Variants in FAM98A observed in about 807,000 individuals in gnomAD.
FAM98A encodes the protein protein FAM98A.
A neutral mutation model predicts 62.9 loss-of-function variants in FAM98A; 25 were observed. That is an observed-to-expected ratio of 0.40 (90% confidence interval 0.29 to 0.56). The LOEUF is 0.56. Ranked by LOEUF, FAM98A falls within the 20% of genes least tolerant of loss-of-function variation. FAM98A has a pLI of 0.51. For synonymous variants in FAM98A, 252 were observed against 228.6 expected (o/e 1.10, Z -0.92); for missense variants, 653 against 640.7 (o/e 1.02, Z -0.21).
chr2:33,586,967 T>C (rs1021284583), intron 5 of FAM98A: 5 of 519,110 alleles, frequency 9.6e-6, no homozygotes, highest in Admixed American at 3.4e-5. Context: ...GGCAATCCAT[T>C]TGGCAACGAG....
intron 1 of FAM98A, among the ~76,000 whole-genome samples, 197 bp from the exon 2 acceptor site, chr2:33,595,834 C>G (rs552786240): frequency 3.7e-4 from 56 of 152,228 alleles, no homozygotes; most frequent in African/African-American, 1.3e-3. Flanking sequence ...TAAATGGTAG[C>G]TGCATTTCAA....
intron 5 of FAM98A, 73 bp from the exon 6 acceptor site, chr2:33,586,751 C>T (rs866150970): frequency 2.3e-5 from 21 of 904,838 alleles, no homozygotes; most frequent in South Asian, 9.3e-5. Context: ...GCAAAAACTA[C>T]GTCTGTGTCA....
In FAM98A at chr2:33,598,903, CAATG is replaced by C. The variant is rs1677885280; in HGVS notation, c.53+262_53+265del. Among the ~76,000 whole-genome samples the C allele has an allele frequency of 1.3e-5, 2 of 152,108 alleles. 1 individual carries two copies. The highest frequency in any genetic ancestry group is 4.1e-4 in the South Asian group (2 of 4,826). On this transcript the variant is annotated intron_variant, in intron 1 of 7. Coordinates refer to ENST00000238823, the MANE Select transcript of FAM98A (RefSeq NM_015475.5). ...GGGGTGGCGAAAATCAGAGCCCAGA[CAATG>C]ACACGCATGACTGACAAACGCTGCG...
At chr2:33,588,616 G>A (rs1677609184) in intron 3 of FAM98A, 97 bp from the exon 4 acceptor site, 4 of 816,482 alleles carry the variant, frequency 4.9e-6, no homozygotes, top group Non-Finnish European at 7.1e-6. Flanking sequence ...ATATGTAACT[G>A]TTAAAGCTGC....
intron 4 of FAM98A, chr2:33,587,679 C>A (rs375380928): frequency 4.4e-6 from 1 of 227,624 alleles, no homozygotes; most frequent in East Asian, 9.3e-5. Context: ...CCCCACAATG[C>A]AAATGTACCA....
Position 33,588,522 on chromosome 2 carries a change from G to A in FAM98A, c.338-3C>T. The stretch of plus-strand genomic sequence containing the variant: ...TTCTAGTTCTGAGATGAGGTATGCT[G>A]AAGTAAACAAAATAAGATTTCAAAA... On this transcript the variant is annotated splice_polypyrimidine_tract_variant and splice_region_variant and intron_variant, in intron 3 of 7. Transcript: ENST00000238823. 6.2e-7 allele frequency: 1 copy of A among 1,610,982 alleles called. No individual in the cohort carries two copies. Among genetic ancestry groups the A allele is most frequent in the Non-Finnish European group, 8.5e-7 (1 of 1,178,698 alleles).
At position 33,588,408 on chromosome 2, in the gene FAM98A, C is replaced by T. The variant is rs2151144151; in HGVS notation, c.449G>A (p.Cys150Tyr). The T allele has an allele frequency of 6.2e-7, 1 of 1,613,716 alleles. No homozygotes were observed. The highest frequency in any genetic ancestry group is 8.5e-7 in the Non-Finnish European group (1 of 1,179,740). The change falls in exon 4 of 8, where the codon TGT becomes TAT. Residue 150 changes from cysteine (C) to tyrosine (Y), a missense_variant. Cys to Tyr is a radical substitution (Grantham distance 194). Transcript: ENST00000238823. The part of the protein sequence containing the change: ...SEVFQELKGI[C>Y]IALGMSKPPA... ...AGGTTTGGACATTCCTAGAGCAATA[C>T]ATATGCCTTTCAACTCTTGAAAGAC...
rs1449555538 is a variant in FAM98A, at chr2:33,586,469, A to C, written c.720+93T>G. 1.3e-5 allele frequency: 10 copies of C among 789,866 alleles called. No individual in the cohort carries two copies. The East Asian group carries it at 2.4e-4, about 19-fold the overall frequency. 48.9% of individuals were successfully genotyped at this position (789,866 alleles called of 1,614,324 possible). Reference sequence around the variant, plus strand: ...AAATCCCTATGTGTGTCTTCTATGTACTTCTCCCATAGTTGCCAAGTAGCT... The same window carrying C: ...AAATCCCTATGTGTGTCTTCTATGTCCTTCTCCCATAGTTGCCAAGTAGCT... On this transcript the variant is annotated intron_variant, in intron 6 of 7. Transcript: ENST00000238823.
At chr2:33,588,755 C>G (rs1677611798) in intron 3 of FAM98A, 1 of 291,740 alleles carries the variant, frequency 3.4e-6, no homozygotes, top group Non-Finnish European at 6.3e-6. Flanking sequence ...ATAAGCGATT[C>G]TCTTTGAAAC....
Position 33,599,163 on chromosome 2 carries a change from T to G in FAM98A, c.53+6A>C. The G allele has an allele frequency of 6.2e-7, 1 of 1,612,810 alleles. No individual in the cohort carries two copies. Among genetic ancestry groups the G allele is most frequent in the Non-Finnish European group, 8.5e-7 (1 of 1,179,010 alleles). ...GCTTGGGAGACCCGTGCCCTGACAA[T>G]CTTACCCTAGATCTTCCAACGACTC... On this transcript the variant is annotated splice_donor_region_variant and intron_variant, in intron 1 of 7. Coordinates refer to ENST00000238823, the MANE Select transcript of FAM98A (RefSeq NM_015475.5).
Position 33,587,269 on chromosome 2 carries a change from G to T in FAM98A, c.574C>A (p.Leu192Met). 1 of 1,613,402 alleles carries T rather than the reference G, an allele frequency of 6.2e-7. No homozygotes were observed. Among genetic ancestry groups the T allele is most frequent in the Non-Finnish European group, 8.5e-7 (1 of 1,179,380 alleles). The change falls in exon 5 of 8, where the codon CTG becomes ATG. Residue 192 changes from leucine to methionine, a missense_variant. Physicochemically the swap from Leu to Met is conservative, Grantham distance 15. Coordinates refer to ENST00000238823, the MANE Select transcript of FAM98A (RefSeq NM_015475.5). ...TGGGCTGGTCCCATTGGCTTCTTCA[G>T]TAAAGGCTTTCCCACATGATTAGGT... is the stretch of plus-strand genomic sequence containing the variant. ...VPPNHVGKPL[L>M]KKPMGPAHWE...
In FAM98A at chr2:33,588,427, G is replaced by C. The variant is rs1677604280; in HGVS notation, c.430C>G (p.Gln144Glu). The C allele has an allele frequency of 6.2e-7, 1 of 1,613,626 alleles. No homozygotes were observed. Among genetic ancestry groups the C allele is most frequent in the Non-Finnish European group, 8.5e-7 (1 of 1,179,698 alleles). Residue 144 changes from glutamine (Q) to glutamate (E), a missense_variant, in exon 4 of 8, where the codon CAA (glutamine) becomes GAA (glutamate). By Grantham distance (29) the Gln-to-Glu change is conservative. Coordinates refer to ENST00000238823, the MANE Select transcript of FAM98A (RefSeq NM_015475.5). ...AQEGGGSEVF[Q>E]ELKGICIALG... The stretch of plus-strand genomic sequence containing the variant: ...GCAATACATATGCCTTTCAACTCTT[G>C]AAAGACCTCACTACCGCCTCCTTCT...
rs76274260 is a variant in FAM98A at position 33,596,491 on chromosome 2, T to C, written c.54-854A>G. Among the ~76,000 whole-genome samples, 762 of 152,330 alleles carry C rather than the reference T, an allele frequency of 5.0e-3. 21 individuals are homozygous for C. In the East Asian group the frequency reaches 0.092, roughly 18 times the overall value. Reference sequence around the variant, plus strand: ...CCAATATTCTAAAATATAAGATTTCTGTCACTCCAAGTAATCTTAAATACA... The same window carrying C: ...CCAATATTCTAAAATATAAGATTTCCGTCACTCCAAGTAATCTTAAATACA... On this transcript the variant is annotated intron_variant, in intron 1 of 7. Transcript: ENST00000238823.
rs1275879469 is a variant in FAM98A at position 33,585,814 on chromosome 2, G to A, written c.721-117C>T. ...TGATAATGATATTTACTAGGCTCTA[G>A]ATGGTAGGAAAAGTTATATACTCAC... is the stretch of plus-strand genomic sequence containing the variant. On this transcript the variant is annotated intron_variant, in intron 6 of 7. Coordinates refer to ENST00000238823, the MANE Select transcript of FAM98A (RefSeq NM_015475.5). 4.3e-6 allele frequency: 4 copies of A among 922,810 alleles called. No homozygotes were observed. The East Asian group carries it at 7.5e-5, about 17-fold the overall frequency. 57.2% of individuals were successfully genotyped at this position (922,810 alleles called of 1,614,324 possible). A position where few individuals can be genotyped will look rare whatever the true frequency, so the allele number is the denominator to read the frequency against.
chr2:33,585,480 T>C (rs1310017117), intron 7 of FAM98A, 36 bp from the exon 8 acceptor site: 10 of 1,613,250 alleles, frequency 6.2e-6, no homozygotes, highest in Non-Finnish European at 8.5e-6. Flanking sequence ...ACTTTTATTT[T>C]ATGAACAGAA....
intron 1 of FAM98A, 149 bp downstream of exon 1, chr2:33,599,020 C>T (rs1558552358): frequency 2.7e-6 from 2 of 732,636 alleles, no homozygotes; most frequent in Non-Finnish European, 4.9e-6. Context: ...GTGGACGTGG[C>T]ATTGGGGGTG....
chr2:33,598,554 A>G (rs1677870296), intron 1 of FAM98A, among the ~76,000 whole-genome samples: 1 of 152,254 alleles, frequency 6.6e-6, no homozygotes, highest in Non-Finnish European at 1.5e-5. Flanking sequence ...AATGGGGCTC[A>G]ACGAGGCAGA....
rs185328472 is a variant in FAM98A at position 33,592,313 on chromosome 2, T to A, written c.203-99A>T. 91 of 1,005,786 alleles carry A rather than the reference T, an allele frequency of 9.0e-5. No individual in the cohort carries two copies. In the African/African-American group the frequency reaches 1.4e-3, roughly 16 times the overall value. The allele number at this position is 1,005,786 out of a possible 1,614,324, so 62.3% of individuals were successfully genotyped here. On this transcript the variant is annotated intron_variant, in intron 2 of 7. Coordinates refer to ENST00000238823, the MANE Select transcript of FAM98A (RefSeq NM_015475.5). ...ATTGAAATTGTTAATAGGATTTTCATAACTTGAGTTTTTTCCCCTTCTAAT... is the reference window on the plus strand; with the variant it reads ...ATTGAAATTGTTAATAGGATTTTCAAAACTTGAGTTTTTTCCCCTTCTAAT...
chr2:33,590,746 T>C (rs548398699), intron 3 of FAM98A, among the ~76,000 whole-genome samples: 2 of 152,320 alleles, frequency 1.3e-5, no homozygotes, highest in South Asian at 4.1e-4. Flanking sequence ...TCCAAAATAA[T>C]GTTCACTGAA....
Sources: gnomAD v4.1 joint callset for allele counts (sites outside exome capture counted in the v4.1 genomes callset) on GRCh38, gnomAD v4.1.1 for gene constraint, MANE v1.5 for transcripts, NCBI Gene and HGNC (gene_info 2026-07-23, HGNC 2026-07-21) for gene names.